ASIC1: variants seen among roughly 807,000 people sequenced by gnomAD.
ASIC1 encodes acid sensing ion channel subunit 1.
ASIC1 carries 21 observed loss-of-function variants against 63.4 expected under a neutral mutation model. The ratio of observed to expected loss-of-function variants is 0.33; its 90% CI spans 0.23 to 0.48. ASIC1 has a LOEUF of 0.48. Among genes scored for constraint, ASIC1 ranks in the 20% least tolerant of loss-of-function variants. ASIC1 has a pLI of 0.99. For synonymous variants in ASIC1, 258 were observed against 278.2 expected (o/e 0.93, Z 0.72); for missense variants, 478 against 695.5 (o/e 0.69, Z 3.52).
chr12:50,059,714 C>T lies in ASIC1; in HGVS notation c.363-45C>T. ...CATCACCCAAGTTGGGTGCAGGACA[C>T]TGATGACTGTACTGACCCGTGTGTC... is the stretch of plus-strand genomic sequence containing the variant. On this transcript the variant is annotated intron_variant, in intron 2 of 11. Coordinates refer to ENST00000447966, the MANE Select transcript of ASIC1 (RefSeq NM_001095.4). This position sits in a 1 kb window ranked among gnomAD's most constrained non-coding sequence, Gnocchi z 4.6. 1 of 1,583,376 alleles carries T rather than the reference C, an allele frequency of 6.3e-7. No homozygotes were observed. Among genetic ancestry groups the T allele is most frequent in the Non-Finnish European group, 8.6e-7 (1 of 1,162,316 alleles).
chr12:50,076,786 C>T lies in ASIC1; in HGVS notation c.559-427C>T, dbSNP rs547743302. 301 of 364,502 alleles carry T rather than the reference C, an allele frequency of 8.3e-4. 3 individuals carry two copies. The highest frequency in any genetic ancestry group is 5.2e-3 in the South Asian group (249 of 47,886). The allele number at this position is 364,502 out of a possible 1,614,324, so 22.6% of individuals were successfully genotyped here. On this transcript the variant is annotated intron_variant, in intron 3 of 11. Coordinates refer to ENST00000447966, the MANE Select transcript of ASIC1 (RefSeq NM_001095.4). ...CTAGGAAATCGTTATCACTTCTAGG[C>T]TGAAGAAGCACAAAAGAAGACAGTG...
chr12:50,081,507 G>C (rs568476576), intron 11 of ASIC1, 38 bp from the exon 12 acceptor site: 4 of 1,476,412 alleles, frequency 2.7e-6, no homozygotes, highest in Non-Finnish European at 9.1e-7. Context: ...AAGCCCTTCC[G>C]AGGGATAACC....
chr12:50,079,124 G>A, intron 7 of ASIC1, 144 bp downstream of exon 7: 1 of 833,604 alleles, frequency 1.2e-6, no homozygotes, highest in South Asian at 1.7e-5. Flanking sequence ...CATTAAAGCT[G>A]AGAATGGTCA....
chr12:50,075,050 G>A (rs1950640731), intron 3 of ASIC1, among the ~76,000 whole-genome samples: 1 of 151,904 alleles, frequency 6.6e-6, no homozygotes, highest in South Asian at 2.1e-4. Flanking sequence ...TTCCCTGCTG[G>A]GGGGCCACCT....
Position 50,059,051 on chromosome 12 carries a change from C to T in ASIC1, c.285C>T (p.Leu95=), listed in dbSNP as rs1357572370. 3 of 1,614,180 alleles carry T rather than the reference C, an allele frequency of 1.9e-6. No homozygotes were observed. The highest frequency in any genetic ancestry group is 2.2e-5 in the South Asian group (2 of 91,086). Residue 95 remains leucine, a synonymous_variant, in exon 2 of 12, where the codon CTC becomes CTT. Coordinates refer to ENST00000447966, the MANE Select transcript of ASIC1 (RefSeq NM_001095.4). This position sits in a 1 kb window ranked among gnomAD's most constrained non-coding sequence, Gnocchi z 4.6. ...TCCCTGCTGTCACGCTGTGCAACCT[C>T]AACGAGTTCCGCTTTAGCCAAGTCT... ...LTFPAVTLCN[L]NEFRFSQVSK...
rs538388838 is a variant in ASIC1 at position 50,067,486 on chromosome 12, T to G, written c.558+7532T>G. On this transcript the variant is annotated intron_variant, in intron 3 of 11. Transcript: ENST00000447966. ...GTGCAGTGGCACCATCTCAGCTCAC[T>G]GCAACCTCCGCCTCCTGGGTTCAAG... Among the ~76,000 whole-genome samples, 16 of 150,838 alleles carry G rather than the reference T, an allele frequency of 1.1e-4. No homozygotes were observed. In the East Asian group the frequency reaches 2.8e-3, roughly 26 times the overall value.
At chr12:50,077,902 C>T (rs1950673575) in intron 4 of ASIC1, 98 bp from the exon 5 acceptor site, 1 of 1,520,940 alleles carries the variant, frequency 6.6e-7, no homozygotes, top group Non-Finnish European at 8.8e-7. Flanking sequence ...CCCCAGTGCA[C>T]CCTATGCTTA....
chr12:50,077,096 G>C (rs779647876), intron 3 of ASIC1, 117 bp from the exon 4 acceptor site: 6 of 1,509,982 alleles, frequency 4.0e-6, no homozygotes, highest in African/African-American at 1.4e-5. Context: ...TGGGCTGCAC[G>C]GGAGGAACCA....
chr12:50,059,057 G>A lies in ASIC1; in HGVS notation c.291G>A (p.Glu97=). Reference sequence around the variant, plus strand: ...CTGTCACGCTGTGCAACCTCAACGAGTTCCGCTTTAGCCAAGTCTCCAAGA... The same window carrying A: ...CTGTCACGCTGTGCAACCTCAACGAATTCCGCTTTAGCCAAGTCTCCAAGA... ...FPAVTLCNLN[E]FRFSQVSKND... is the part of the protein sequence containing the mutation. Residue 97 remains glutamate, a synonymous_variant, in exon 2 of 12, where the codon GAG becomes GAA. Coordinates refer to ENST00000447966, the MANE Select transcript of ASIC1 (RefSeq NM_001095.4). The surrounding 1 kb of genome is among the most constrained non-coding windows in gnomAD (Gnocchi z 4.6). The A allele has an allele frequency of 6.2e-7, 1 of 1,614,164 alleles. No individual in the cohort carries two copies. Among genetic ancestry groups the A allele is most frequent in the Non-Finnish European group, 8.5e-7 (1 of 1,180,032 alleles).
At chr12:50,065,104 G>A (rs1950534201) in intron 3 of ASIC1, among the ~76,000 whole-genome samples, 1 of 152,146 alleles carries the variant, frequency 6.6e-6, no homozygotes, top group Admixed American at 6.5e-5. Context: ...GAATATGTTG[G>A]TGTCTCCCCA....
At chr12:50,072,652 G>A (rs1051608156) in intron 3 of ASIC1, among the ~76,000 whole-genome samples, 2 of 152,184 alleles carry the variant, frequency 1.3e-5, no homozygotes, top group Admixed American at 6.5e-5. Flanking sequence ...GGGGCGGGGG[G>A]CAGGCCAAAA....
rs1950482843 is a variant in ASIC1 at position 50,059,734 on chromosome 12, T to C, written c.363-25T>C. ...GGACACTGATGACTGTACTGACCCG[T>C]GTGTCACTCACCCCCGGACCCCAGG... is the stretch of plus-strand genomic sequence containing the variant. On this transcript the variant is annotated intron_variant, in intron 2 of 11. Transcript: ENST00000447966. The surrounding 1 kb of genome is among the most constrained non-coding windows in gnomAD (Gnocchi z 4.6). 1 of 1,606,274 alleles carries C rather than the reference T, an allele frequency of 6.2e-7. No homozygotes were observed. Among genetic ancestry groups the C allele is most frequent in the African/African-American group, 1.3e-5 (1 of 74,776 alleles).
intron 3 of ASIC1, among the ~76,000 whole-genome samples, chr12:50,072,345 C>T (rs901975229): frequency 2.0e-5 from 3 of 152,216 alleles, no homozygotes; most frequent in Admixed American, 1.3e-4. Flanking sequence ...CTCCTCCCCT[C>T]GGGTCACCTT....
chr12:50,066,968 A>G (rs1188636745), intron 3 of ASIC1, among the ~76,000 whole-genome samples: 1 of 152,122 alleles, frequency 6.6e-6, no homozygotes, highest in Non-Finnish European at 1.5e-5. Flanking sequence ...TCCCTGCTCT[A>G]CAGTTGGTCG....
At position 50,057,649 on chromosome 12, in the gene ASIC1, G is replaced by A. The variant is rs1950456753; in HGVS notation, c.-284G>A. ...GGACGATGGATCCCTGCAGATCCCA[G>A]GGCTGAGAGCACCGCGCACCGCGCC... On this transcript the variant is annotated 5_prime_UTR_variant, in exon 1 of 12. Transcript: ENST00000447966. This position sits in a 1 kb window ranked among gnomAD's most constrained non-coding sequence, Gnocchi z 4.7. 1 of 151,962 alleles carries A rather than the reference G, an allele frequency of 6.6e-6. No individual in the cohort carries two copies. Among genetic ancestry groups the A allele is most frequent in the Non-Finnish European group, 1.5e-5 (1 of 67,966 alleles). The allele number at this position is 151,962 out of a possible 1,614,324, so 9.4% of individuals were successfully genotyped here.
rs376276861 is a variant in ASIC1 at position 50,074,860 on chromosome 12, CTG to C, written c.559-2307_559-2306del. Among the ~76,000 whole-genome samples the C allele has an allele frequency of 0.27, 37,788 of 140,766 alleles. 5,605 individuals carry two copies. Among genetic ancestry groups the C allele is most frequent in the South Asian group, 0.36 (1,469 of 4,058 alleles). The allele number at this position is 140,766 out of a possible 152,430, so 92.3% of individuals were successfully genotyped here. A position where few individuals can be genotyped will look rare whatever the true frequency, so the allele number is the denominator to read the frequency against. On this transcript the variant is annotated intron_variant, in intron 3 of 11. Transcript: ENST00000447966. This position sits in a 1 kb window ranked among gnomAD's most constrained non-coding sequence, Gnocchi z 4.2. ...TATGGACGCCCCACCCCCACCAGCT[CTG>C]TGTGTGTGTGTGTGTGTGTGTGTGT...
intron 3 of ASIC1, among the ~76,000 whole-genome samples, chr12:50,065,378 T>A (rs1196007897): frequency 6.6e-6 from 1 of 152,184 alleles, no homozygotes; most frequent in Non-Finnish European, 1.5e-5. Flanking sequence ...GGTCTCTATT[T>A]TGGGCAAAGT....
Position 50,059,516 on chromosome 12 carries a change from G to A in ASIC1, c.363-243G>A, listed in dbSNP as rs1014065543. 4.6e-5 allele frequency among the ~76,000 whole-genome samples: 7 copies of A among 152,158 alleles called. No homozygotes were observed. Among genetic ancestry groups the A allele is most frequent in the African/African-American group, 1.7e-4 (7 of 41,438 alleles). ...GCCACAGCCCCTGCCTTGTCTCTCTGCCCACCTTATCCATGCTTCCTCTCA... is the reference window on the plus strand; with the variant it reads ...GCCACAGCCCCTGCCTTGTCTCTCTACCCACCTTATCCATGCTTCCTCTCA... On this transcript the variant is annotated intron_variant, in intron 2 of 11. Transcript: ENST00000447966. The surrounding 1 kb of genome is among the most constrained non-coding windows in gnomAD (Gnocchi z 4.6).
At chr12:50,080,646 T>C (rs1950705948) in intron 9 of ASIC1, 57 bp downstream of exon 9, 2 of 1,614,162 alleles carry the variant, frequency 1.2e-6, no homozygotes, top group East Asian at 2.2e-5. Flanking sequence ...CGTGGCTCCC[T>C]ATCATCCAAA....
Sources: gnomAD v4.1 joint callset for allele counts (sites outside exome capture counted in the v4.1 genomes callset) on GRCh38, gnomAD v4.1.1 for gene constraint, Gnocchi (gnomAD v3.1) non-coding constraint, MANE v1.5 for transcripts, NCBI Gene and HGNC (gene_info 2026-07-23, HGNC 2026-07-21) for gene names.